FAM210B: variants seen among roughly 807,000 people sequenced by gnomAD.
FAM210B encodes family with sequence similarity 210 member B.
Under a neutral mutation model 14.9 loss-of-function variants are expected in FAM210B, and 11 were observed. The ratio of observed to expected loss-of-function variants is 0.74; its 90% CI spans 0.46 to 1.22. The LOEUF (loss-of-function observed/expected upper bound fraction) is 1.22. FAM210B is among the 50% of genes most tolerant of loss of function. FAM210B has a pLI of 0.00. For missense variants in FAM210B, 229 were observed against 250.1 expected, an observed-to-expected ratio of 0.92 and a Z score of 0.57; for synonymous variants, 113 against 110.2, an observed-to-expected ratio of 1.03 and a Z score of -0.16.
intron 1 of FAM210B, among the ~76,000 whole-genome samples, chr20:56,361,899 C>T (rs1204835770): frequency 1.3e-5 from 2 of 152,148 alleles, no homozygotes; most frequent in East Asian, 3.9e-4. Context: ...ATCGCTTGAA[C>T]CCGGGAGGCG....
chr20:56,364,258 T>TG (rs1983587229), intron 1 of FAM210B, among the ~76,000 whole-genome samples: 1 of 152,342 alleles, frequency 6.6e-6, no homozygotes, highest in African/African-American at 2.4e-5. Flanking sequence ...TCAGCAGAGA[T>TG]GGGTCCTTCT....
chr20:56,359,726 C>T lies in FAM210B; in HGVS notation c.186+535C>T, dbSNP rs1286301900. Among the ~76,000 whole-genome samples, 1 of 152,228 alleles carries T rather than the reference C, an allele frequency of 6.6e-6. No individual in the cohort carries two copies. Among genetic ancestry groups the T allele is most frequent in the Admixed American group, 6.5e-5 (1 of 15,288 alleles). On this transcript the variant is annotated intron_variant, in intron 1 of 2. Coordinates refer to ENST00000371384, the MANE Select transcript of FAM210B (RefSeq NM_080821.3). The surrounding 1 kb of genome is among the most constrained non-coding windows in gnomAD (Gnocchi z 4.3). ...AAAACTGGTTTTCCTTCAGAGCAGT[C>T]ATACCAGCTTTCCTTTCAAGAAATC...
rs533765418 is a variant in FAM210B, at chr20:56,359,173, G to C, written c.168G>C (p.Gly56=). Residue 56 remains glycine, a synonymous_variant, in exon 1 of 3, where the codon GGG becomes GGC. Coordinates refer to ENST00000371384, the MANE Select transcript of FAM210B (RefSeq NM_080821.3). This position sits in a 1 kb window ranked among gnomAD's most constrained non-coding sequence, Gnocchi z 4.3. ...LDARLLRTAR[G]DCRGHQDPSQ... ...CCCGGCTGCTCCGCACGGCGCGCGG[G>C]GACTGCCGCGGCCACCAGGTAAGCA... 7.3e-6 allele frequency: 9 copies of C among 1,237,076 alleles called. No homozygotes were observed. In the Admixed American group the frequency reaches 2.1e-4, roughly 29 times the overall value. 76.6% of individuals were successfully genotyped at this position (1,237,076 alleles called of 1,614,324 possible).
At chr20:56,365,318 G>A (rs1244957027) in intron 2 of FAM210B, 56 bp downstream of exon 2, 2 of 1,564,854 alleles carry the variant, frequency 1.3e-6, no homozygotes, top group East Asian at 4.5e-5. Context: ...AAGATTCTAT[G>A]TGAATAAGAA....
In FAM210B at chr20:56,366,372, G is replaced by A. The variant is rs139966147; in HGVS notation, c.*85G>A. 1 of 1,374,028 alleles carries A rather than the reference G, an allele frequency of 7.3e-7. No homozygotes were observed. Among genetic ancestry groups the A allele is most frequent in the East Asian group, 2.3e-5 (1 of 42,894 alleles). The allele number at this position is 1,374,028 out of a possible 1,614,324, so 85.1% of individuals were successfully genotyped here. On this transcript the variant is annotated 3_prime_UTR_variant, in exon 3 of 3. Coordinates refer to ENST00000371384, the MANE Select transcript of FAM210B (RefSeq NM_080821.3). ...GGTTTTAGGGTTTTAGGGTTGTAGG[G>A]TTTCTTTTGGAGAGGTAGGGGGCTA...
chr20:56,359,577 C>T lies in FAM210B; in HGVS notation c.186+386C>T, dbSNP rs575166297. ...TCGCTGTGTTTTGAACACCTCCCGA[C>T]GCTCGCTGCTCCTCCCTTTTCTTCT... On this transcript the variant is annotated intron_variant, in intron 1 of 2. Transcript: ENST00000371384. This position sits in a 1 kb window ranked among gnomAD's most constrained non-coding sequence, Gnocchi z 4.3. 1.3e-5 allele frequency among the ~76,000 whole-genome samples: 2 copies of T among 152,284 alleles called. No individual in the cohort carries two copies. Among genetic ancestry groups the T allele is most frequent in the South Asian group, 4.1e-4 (2 of 4,830 alleles).
rs1983689024 is a variant in FAM210B at position 56,368,205 on chromosome 20, A to G, written c.*1918A>G. ...TCCACAGCTAAGTGAGATGCCTCACACCATTAGGTGATGCTTTGGACAGAA... is the reference window on the plus strand; with the variant it reads ...TCCACAGCTAAGTGAGATGCCTCACGCCATTAGGTGATGCTTTGGACAGAA... On this transcript the variant is annotated 3_prime_UTR_variant, in exon 3 of 3. Coordinates refer to ENST00000371384, the MANE Select transcript of FAM210B (RefSeq NM_080821.3). The G allele has an allele frequency of 6.6e-6, 1 of 152,570 alleles. No individual in the cohort carries two copies. Among genetic ancestry groups the G allele is most frequent in the Non-Finnish European group, 1.5e-5 (1 of 68,038 alleles). 9.5% of individuals were successfully genotyped at this position (152,570 alleles called of 1,614,324 possible).
chr20:56,359,054 C>A lies in FAM210B; in HGVS notation c.49C>A (p.Arg17=). 7.4e-7 allele frequency: 1 copy of A among 1,351,850 alleles called. No homozygotes were observed. 83.7% of individuals were successfully genotyped at this position (1,351,850 alleles called of 1,614,324 possible). A position where few individuals can be genotyped will look rare whatever the true frequency, so the allele number is the denominator to read the frequency against. The change falls in exon 1 of 3, where the codon CGG becomes AGG. Residue 17 remains arginine, a synonymous_variant. Transcript: ENST00000371384. This position sits in a 1 kb window ranked among gnomAD's most constrained non-coding sequence, Gnocchi z 4.3. ...LLGPAGRVGA[R]VRPRATWLLG... ...GGGTCCGGCAGGCAGGGTGGGCGCCCGGGTCCGGCCTCGCGCCACCTGGCT... is the reference window on the plus strand; with the variant it reads ...GGGTCCGGCAGGCAGGGTGGGCGCCAGGGTCCGGCCTCGCGCCACCTGGCT...
chr20:56,364,553 CAT>C (rs1255864194), intron 1 of FAM210B, among the ~76,000 whole-genome samples: 4 of 152,236 alleles, frequency 2.6e-5, no homozygotes, highest in African/African-American at 7.2e-5. Flanking sequence ...TGTAAGGTGA[CAT>C]ATTCACAGAT....
Position 56,363,537 on chromosome 20 carries a change from T to G in FAM210B, c.187-1550T>G, listed in dbSNP as rs1983573422. 2.0e-5 allele frequency among the ~76,000 whole-genome samples: 3 copies of G among 152,290 alleles called. No individual in the cohort carries two copies. The highest frequency in any genetic ancestry group is 1.3e-4 in the Admixed American group (2 of 15,304). ...TAACAAGAGCTGACCTCCAGCCAGG[T>G]GCGCATCACCTGCCGGGACAAGCCC... is the stretch of plus-strand genomic sequence containing the variant. On this transcript the variant is annotated intron_variant, in intron 1 of 2. Coordinates refer to ENST00000371384, the MANE Select transcript of FAM210B (RefSeq NM_080821.3). This position sits in a 1 kb window ranked among gnomAD's most constrained non-coding sequence, Gnocchi z 4.1.
Position 56,359,265 on chromosome 20 carries a change from C to G in FAM210B, c.186+74C>G, listed in dbSNP as rs1447884110. ...GACGTCCGCAGGGCCGCGCCGGGGT[C>G]CGGCCGCCTCCGCCAAGGACGCCTT... On this transcript the variant is annotated intron_variant, in intron 1 of 2. Transcript: ENST00000371384. The surrounding 1 kb of genome is among the most constrained non-coding windows in gnomAD (Gnocchi z 4.3). 2.5e-6 allele frequency: 3 copies of G among 1,199,284 alleles called. No individual in the cohort carries two copies. The African/African-American group carries it at 4.8e-5, about 19-fold the overall frequency. The allele number at this position is 1,199,284 out of a possible 1,614,324, so 74.3% of individuals were successfully genotyped here.
Position 56,362,385 on chromosome 20 carries a change from CAGA to C in FAM210B, c.187-2698_187-2696del, listed in dbSNP as rs1459521161. On this transcript the variant is annotated intron_variant, in intron 1 of 2. Transcript: ENST00000371384. The surrounding 1 kb of genome is among the most constrained non-coding windows in gnomAD (Gnocchi z 4.8). Reference sequence around the variant, plus strand: ...CATGTGCATGCATGCTGAGTACAGACAGAAGATGTGTCACGCCGTCCTGTGCAT... The same window carrying C: ...CATGTGCATGCATGCTGAGTACAGACAGATGTGTCACGCCGTCCTGTGCAT... 6.6e-6 allele frequency among the ~76,000 whole-genome samples: 1 copy of C among 152,130 alleles called. No individual in the cohort carries two copies. The highest frequency in any genetic ancestry group is 1.5e-5 in the Non-Finnish European group (1 of 68,040).
rs1983487439 is a variant in FAM210B at position 56,359,394 on chromosome 20, A to C, written c.186+203A>C. On this transcript the variant is annotated intron_variant, in intron 1 of 2. Coordinates refer to ENST00000371384, the MANE Select transcript of FAM210B (RefSeq NM_080821.3). This position sits in a 1 kb window ranked among gnomAD's most constrained non-coding sequence, Gnocchi z 4.3. The stretch of plus-strand genomic sequence containing the variant: ...TCCTAGTTGACAGCCAGAGAAACTG[A>C]GGCTCGGGAAGGTGTGGCGCTCTGC... Among the ~76,000 whole-genome samples, 1 of 152,232 alleles carries C rather than the reference A, an allele frequency of 6.6e-6. No individual in the cohort carries two copies. The highest frequency in any genetic ancestry group is 1.5e-5 in the Non-Finnish European group (1 of 68,034).
intron 2 of FAM210B, among the ~76,000 whole-genome samples, chr20:56,365,538 G>A (rs939973619): frequency 2.0e-5 from 3 of 151,608 alleles, no homozygotes; most frequent in South Asian, 4.2e-4. Flanking sequence ...ACGGACTCTC[G>A]CTCTGTTGCC....
Position 56,359,281 on chromosome 20 carries a change from A to C in FAM210B, c.186+90A>C. ...CGCCGGGGTCCGGCCGCCTCCGCCA[A>C]GGACGCCTTTGCACTTGTAGCTGCC... is the stretch of plus-strand genomic sequence containing the variant. On this transcript the variant is annotated intron_variant, in intron 1 of 2. Coordinates refer to ENST00000371384, the MANE Select transcript of FAM210B (RefSeq NM_080821.3). The surrounding 1 kb of genome is among the most constrained non-coding windows in gnomAD (Gnocchi z 4.3). The C allele has an allele frequency of 8.5e-7, 1 of 1,179,082 alleles. No homozygotes were observed. Among genetic ancestry groups the C allele is most frequent in the Non-Finnish European group, 1.1e-6 (1 of 948,950 alleles). 73.0% of individuals were successfully genotyped at this position (1,179,082 alleles called of 1,614,324 possible). A position where few individuals can be genotyped will look rare whatever the true frequency, so the allele number is the denominator to read the frequency against.
intron 1 of FAM210B, among the ~76,000 whole-genome samples, chr20:56,361,960 G>C (rs897858607): frequency 6.6e-6 from 1 of 152,120 alleles, no homozygotes; most frequent in South Asian, 2.1e-4. Flanking sequence ...CTGGACGACA[G>C]AGCACGAATC....
chr20:56,359,381 G>A lies in FAM210B; in HGVS notation c.186+190G>A, dbSNP rs1386988533. Among the ~76,000 whole-genome samples the A allele has an allele frequency of 6.6e-6, 1 of 152,268 alleles. No individual in the cohort carries two copies. Among genetic ancestry groups the A allele is most frequent in the Non-Finnish European group, 1.5e-5 (1 of 68,052 alleles). ...AAGGAAGCGATCCTCCTAGTTGACA[G>A]CCAGAGAAACTGAGGCTCGGGAAGG... On this transcript the variant is annotated intron_variant, in intron 1 of 2. Transcript: ENST00000371384. This position sits in a 1 kb window ranked among gnomAD's most constrained non-coding sequence, Gnocchi z 4.3.
At chr20:56,365,287 A>G (rs963746852) in intron 2 of FAM210B, 25 bp downstream of exon 2, 1 of 1,600,648 alleles carries the variant, frequency 6.2e-7, no homozygotes, top group Admixed American at 1.7e-5. Flanking sequence ...AGTAATTAAT[A>G]TTTGTTTTTT....
At chr20:56,365,610 G>A (rs975063330) in intron 2 of FAM210B, among the ~76,000 whole-genome samples, 1 of 152,030 alleles carries the variant, frequency 6.6e-6, no homozygotes, top group Non-Finnish European at 1.5e-5. Flanking sequence ...GGTTCAAGTG[G>A]TTCTCCTGCC....
Sources: allele counts gnomAD v4.1 joint callset (sites outside exome capture counted in the v4.1 genomes callset), GRCh38; gene constraint gnomAD v4.1.1; non-coding constraint Gnocchi (gnomAD v3.1); transcripts MANE v1.5; gene names NCBI Gene and HGNC (gene_info 2026-07-23, HGNC 2026-07-21).